ULK4: variants seen among roughly 807,000 people sequenced by gnomAD.
ULK4 encodes the protein unc-51 like kinase 4.
ULK4 carries 133 observed loss-of-function variants against 160.6 expected under a neutral mutation model. That is an observed-to-expected ratio of 0.83 (90% CI 0.72 to 0.96). The LOEUF (loss-of-function observed/expected upper bound fraction) is 0.96, where lower values mean the gene tolerates loss of function less well. ULK4 is among the 40% of genes least tolerant of loss of function. The pLI, the probability that ULK4 is intolerant of heterozygous loss-of-function variation, is 0.00. For synonymous variants in ULK4, 534 were observed against 539.8 expected (o/e 0.99, Z 0.15); for missense variants, 1,580 against 1,499.5 (o/e 1.05, Z -0.89).
At chr3:41,358,184 T>C (rs921367955) in intron 35 of ULK4, among the ~76,000 whole-genome samples, 2 of 152,182 alleles carry the variant, frequency 1.3e-5, no homozygotes, top group African/African-American at 4.8e-5. Flanking sequence ...GCAGAACAGA[T>C]TGTGGCTCAA....
rs527471723 is a variant in ULK4, at chr3:41,915,870, TA to T, written c.803+106del. ...AGAACAGCACCATTTTAGAAGTACA[TA>T]AAAGGGGGAAAAGATTTCATTATTT... On this transcript the variant is annotated intron_variant, in intron 8 of 36. Coordinates refer to ENST00000301831, the MANE Select transcript of ULK4 (RefSeq NM_017886.4). The T allele has an allele frequency of 3.0e-4, 223 of 755,852 alleles. No individual in the cohort carries two copies. In the African/African-American group the frequency reaches 3.7e-3, roughly 13 times the overall value. 46.8% of individuals were successfully genotyped at this position (755,852 alleles called of 1,614,324 possible).
chr3:41,273,756 G>A (rs1218786353), intron 35 of ULK4, among the ~76,000 whole-genome samples: 2 of 152,044 alleles, frequency 1.3e-5, no homozygotes, highest in Non-Finnish European at 2.9e-5. Flanking sequence ...AATGGCTTGG[G>A]GCTATTCTAG....
chr3:41,454,167 AAAGTAT>A (rs1316066635), intron 34 of ULK4, among the ~76,000 whole-genome samples: 3 of 148,354 alleles, frequency 2.0e-5, no homozygotes, highest in Non-Finnish European at 3.0e-5. Context: ...CCTAGAACTT[AAAGTAT>A]AATTAAAAAA....
chr3:41,380,155 A>G (rs995455523), intron 35 of ULK4, among the ~76,000 whole-genome samples: 4 of 152,200 alleles, frequency 2.6e-5, no homozygotes, highest in African/African-American at 9.6e-5. Flanking sequence ...CTAGATGATT[A>G]ACAGCTGGAG....
intron 2 of ULK4, among the ~76,000 whole-genome samples, chr3:41,949,207 G>A (rs1271261335): frequency 6.6e-6 from 1 of 151,892 alleles, no homozygotes; most frequent in Non-Finnish European, 1.5e-5. Flanking sequence ...TACTCGGGAG[G>A]CTGAGGCAGG....
At chr3:41,495,417 A>G (rs1382872183) in intron 32 of ULK4, among the ~76,000 whole-genome samples, 10 of 151,926 alleles carry the variant, frequency 6.6e-5, no homozygotes, top group Non-Finnish European at 1.5e-4. Flanking sequence ...CACCTTACAC[A>G]AAAATTAATT....
At chr3:41,731,863 C>T (rs1032714657) in intron 22 of ULK4, among the ~76,000 whole-genome samples, 3 of 152,002 alleles carry the variant, frequency 2.0e-5, no homozygotes, top group African/African-American at 7.2e-5. Context: ...AACAAAGATA[C>T]CAAGAACACA....
At chr3:41,364,713 CACAA>C (rs1437437934) in intron 35 of ULK4, among the ~76,000 whole-genome samples, 4 of 152,096 alleles carry the variant, frequency 2.6e-5, no homozygotes, top group Non-Finnish European at 4.4e-5. Context: ...TCTAGAAATA[CACAA>C]ACAAACACAA....
intron 32 of ULK4, among the ~76,000 whole-genome samples, chr3:41,507,656 A>G (rs1009441962): frequency 1.3e-4 from 19 of 150,392 alleles, no homozygotes; most frequent in Middle Eastern, 3.4e-3. Flanking sequence ...TTTTATTTTT[A>G]TCAACAAAAG....
intron 30 of ULK4, among the ~76,000 whole-genome samples, chr3:41,635,318 A>G (rs866802323): frequency 8.6e-5 from 13 of 150,840 alleles, no homozygotes; most frequent in African/African-American, 3.2e-4. Context: ...CATTCACACT[A>G]AAGTTTCATA....
intron 22 of ULK4, among the ~76,000 whole-genome samples, chr3:41,721,769 T>G (rs932675892): frequency 3.9e-5 from 6 of 151,922 alleles, no homozygotes; most frequent in Admixed American, 6.5e-5. Context: ...TACCAAATAG[T>G]AAATGCTGAG....
At position 41,790,774 on chromosome 3, in the gene ULK4, G is replaced by A. The variant is rs191046486; in HGVS notation, c.2011-931C>T. 7.5e-3 allele frequency among the ~76,000 whole-genome samples: 1,145 copies of A among 152,096 alleles called. 14 individuals carry two copies. Among genetic ancestry groups the A allele is most frequent in the African/African-American group, 0.026 (1,067 of 41,466 alleles). On this transcript the variant is annotated intron_variant, in intron 20 of 36. Coordinates refer to ENST00000301831, the MANE Select transcript of ULK4 (RefSeq NM_017886.4). ...AGAAAAGCAAGCTGGAGCCAGAGTT[G>A]GTCAACAAAGCTAGGAACTTAAAAT...
intron 17 of ULK4, among the ~76,000 whole-genome samples, chr3:41,868,181 T>A (rs922387929): frequency 6.6e-6 from 1 of 152,216 alleles, no homozygotes; most frequent in Non-Finnish European, 1.5e-5. Flanking sequence ...TATCTACTTA[T>A]TTTAAAAATA....
At chr3:41,629,212 C>T (rs758533790) in intron 30 of ULK4, among the ~76,000 whole-genome samples, 13 of 152,210 alleles carry the variant, frequency 8.5e-5, no homozygotes, top group Middle Eastern at 6.8e-3. Context: ...ATGACGTTTG[C>T]GGCCTCAGCT....
chr3:41,709,515 T>C (rs2037018009), intron 25 of ULK4, among the ~76,000 whole-genome samples: 1 of 152,148 alleles, frequency 6.6e-6, no homozygotes, highest in African/African-American at 2.4e-5. Flanking sequence ...GCCTTCCAAG[T>C]AGCTGGGACT....
chr3:41,377,229 T>C (rs1350919878), intron 35 of ULK4, among the ~76,000 whole-genome samples: 2 of 152,184 alleles, frequency 1.3e-5, no homozygotes, highest in Non-Finnish European at 2.9e-5. Flanking sequence ...CAATTCAAGA[T>C]GGATTAAAGA....
In ULK4 at chr3:41,253,862, T is replaced by C. The variant is rs537322435; in HGVS notation, c.3679-4288A>G. Reference sequence around the variant, plus strand: ...AATCAAAAGAAAGCTAGAGTGGCTATAGTAATGTCAGGCAAAGTAGACTTC... The same window carrying C: ...AATCAAAAGAAAGCTAGAGTGGCTACAGTAATGTCAGGCAAAGTAGACTTC... On this transcript the variant is annotated intron_variant, in intron 35 of 36. Transcript: ENST00000301831. Among the ~76,000 whole-genome samples the C allele has an allele frequency of 3.3e-5, 5 of 152,206 alleles. No homozygotes were observed. The East Asian group carries it at 7.7e-4, about 23-fold the overall frequency.
At chr3:41,937,394 T>G in intron 3 of ULK4, 1 of 670,538 alleles carries the variant, frequency 1.5e-6, no homozygotes, top group Non-Finnish European at 2.7e-6. Flanking sequence ...ATTACTTCTT[T>G]AAGTTTTATA....
At chr3:41,569,427 T>C (rs1052844195) in intron 31 of ULK4, among the ~76,000 whole-genome samples, 40 of 152,102 alleles carry the variant, frequency 2.6e-4, no homozygotes, top group African/African-American at 8.7e-4. Context: ...TTTCTGAGGA[T>C]TTTAGGAGTT....
Sources: allele counts gnomAD v4.1 joint callset (sites outside exome capture counted in the v4.1 genomes callset), GRCh38; gene constraint gnomAD v4.1.1; transcripts MANE v1.5; gene names NCBI Gene and HGNC (gene_info 2026-07-23, HGNC 2026-07-21).